SLC1A1: variants seen among roughly 807,000 people sequenced by gnomAD.
The protein encoded by SLC1A1 is solute carrier family 1 member 1, also known as excitatory amino acid transporter 3.
A neutral mutation model predicts 53.3 loss-of-function variants in SLC1A1; 43 were observed. That is an observed-to-expected ratio of 0.81 (90% CI 0.63 to 1.04). The LOEUF (loss-of-function observed/expected upper bound fraction) is 1.04. Ranked by LOEUF, SLC1A1 falls within the 50% of genes least tolerant of loss-of-function variation. The probability of loss-of-function intolerance (pLI) is 0.00; values close to 1 mark genes in which losing one functional copy is unlikely to be tolerated. For synonymous variants in SLC1A1, 307 were observed against 243.2 expected, an observed-to-expected ratio of 1.26 and a Z score of -2.44; for missense variants, 748 against 664.9, an observed-to-expected ratio of 1.12 and a Z score of -1.37.
intron 10 of SLC1A1, among the ~76,000 whole-genome samples, chr9:4,581,028 C>A (rs773552860): frequency 1.3e-5 from 2 of 152,160 alleles, no homozygotes; most frequent in African/African-American, 4.8e-5. Flanking sequence ...AGATGCCTTA[C>A]GTGTATTAAC....
intron 1 of SLC1A1, among the ~76,000 whole-genome samples, chr9:4,503,583 C>T (rs1489561864): frequency 2.0e-5 from 3 of 151,768 alleles, no homozygotes; most frequent in Non-Finnish European, 4.4e-5. Flanking sequence ...GGTAGGATTT[C>T]TGGGCTTGAA....
At chr9:4,537,231 T>C (rs1433496577) in intron 1 of SLC1A1, among the ~76,000 whole-genome samples, 1 of 152,126 alleles carries the variant, frequency 6.6e-6, no homozygotes, top group Non-Finnish European at 1.5e-5. Context: ...GGGAAATGCT[T>C]ATGACTTAAC....
At chr9:4,497,411 G>A (rs1384386354) in intron 1 of SLC1A1, among the ~76,000 whole-genome samples, 2 of 152,088 alleles carry the variant, frequency 1.3e-5, no homozygotes, top group African/African-American at 2.4e-5. Flanking sequence ...ACCAATTCAG[G>A]AACCCTAAGG....
intron 6 of SLC1A1, among the ~76,000 whole-genome samples, chr9:4,570,253 G>T (rs764691354): frequency 6.6e-6 from 1 of 152,116 alleles, no homozygotes; most frequent in South Asian, 2.1e-4. Flanking sequence ...AGTCAGTCTT[G>T]TCTCTCCAGC....
At chr9:4,505,157 C>A (rs568544123) in intron 1 of SLC1A1, among the ~76,000 whole-genome samples, 1 of 149,260 alleles carries the variant, frequency 6.7e-6, no homozygotes, top group African/African-American at 2.5e-5. Flanking sequence ...AGCGATTCTC[C>A]TGCCTCAGCC....
At position 4,490,535 on chromosome 9, in the gene SLC1A1, T is replaced by TGGTGACGGCGGC. The variant is rs1198393902; in HGVS notation, c.-143_-132dup. The TGGTGACGGCGGC allele has an allele frequency of 8.5e-6, 4 of 471,676 alleles. No homozygotes were observed. Among genetic ancestry groups the TGGTGACGGCGGC allele is most frequent in the African/African-American group, 4.1e-5 (2 of 48,492 alleles). 29.2% of individuals were successfully genotyped at this position (471,676 alleles called of 1,614,324 possible). A position where few individuals can be genotyped will look rare whatever the true frequency, so the allele number is the denominator to read the frequency against. Reference sequence around the variant, plus strand: ...TCCCGGGTGGCGGCGGCAACGGCGGTGGTGACGGCGGCGACTGCAGCGGCC... The same window carrying TGGTGACGGCGGC: ...TCCCGGGTGGCGGCGGCAACGGCGGTGGTGACGGCGGCGGTGACGGCGGCGACTGCAGCGGCC... On this transcript the variant is annotated 5_prime_UTR_variant, in exon 1 of 12. Transcript: ENST00000262352.
chr9:4,517,363 T>C (rs901977043), intron 1 of SLC1A1, among the ~76,000 whole-genome samples: 2 of 152,196 alleles, frequency 1.3e-5, no homozygotes, highest in African/African-American at 4.8e-5. Context: ...TTGTCTTCTG[T>C]CTTGTCCTGC....
At chr9:4,541,311 G>C (rs1430230044) in intron 1 of SLC1A1, among the ~76,000 whole-genome samples, 1 of 152,200 alleles carries the variant, frequency 6.6e-6, no homozygotes, top group African/African-American at 2.4e-5. Context: ...GAAGTTAAAA[G>C]TTAAGTACTT....
chr9:4,517,556 G>A (rs532392462), intron 1 of SLC1A1, among the ~76,000 whole-genome samples: 31 of 152,216 alleles, frequency 2.0e-4, no homozygotes, highest in Non-Finnish European at 3.4e-4. Context: ...ATTTGCTTTC[G>A]GCTGAACACT....
chr9:4,499,050 C>T (rs1481091660), intron 1 of SLC1A1, among the ~76,000 whole-genome samples: 2 of 135,050 alleles, frequency 1.5e-5, no homozygotes, highest in African/African-American at 2.8e-5. Flanking sequence ...ATATATATAT[C>T]TTTTTTTTTT....
At chr9:4,535,294 G>A (rs1008135471) in intron 1 of SLC1A1, among the ~76,000 whole-genome samples, 4 of 152,074 alleles carry the variant, frequency 2.6e-5, no homozygotes, top group Non-Finnish European at 4.4e-5. Flanking sequence ...ACATGATTGT[G>A]TATCTAGAAA....
At chr9:4,560,348 C>T (rs9886720) in intron 2 of SLC1A1, among the ~76,000 whole-genome samples, 39,202 of 152,004 alleles carry the variant, frequency 0.26, 5,446 homozygotes, top group East Asian at 0.46. Flanking sequence ...TGACAGATTA[C>T]TGAGCCATTA....
intron 1 of SLC1A1, among the ~76,000 whole-genome samples, chr9:4,528,564 G>C (rs10974597): frequency 1.3e-5 from 2 of 151,810 alleles, no homozygotes; most frequent in African/African-American, 2.4e-5. Context: ...AGACAGAGCA[G>C]GACTCCGTCT....
rs926409203 is a variant in SLC1A1, at chr9:4,549,525, G to A, written c.232+4818G>A. On this transcript the variant is annotated intron_variant, in intron 2 of 11. Transcript: ENST00000262352. The surrounding 1 kb of genome is among the most constrained non-coding windows in gnomAD (Gnocchi z 4.1). ...AACAGGGATGCCCCTCTGCTTAGCT[G>A]CTTGCCTCCAGGAGGCTAGAGTTCA... is the stretch of plus-strand genomic sequence containing the variant. Among the ~76,000 whole-genome samples, 2 of 152,184 alleles carry A rather than the reference G, an allele frequency of 1.3e-5. No homozygotes were observed. Among genetic ancestry groups the A allele is most frequent in the African/African-American group, 4.8e-5 (2 of 41,458 alleles).
intron 1 of SLC1A1, among the ~76,000 whole-genome samples, chr9:4,504,653 CTTG>C (rs771949699): frequency 3.9e-5 from 6 of 152,140 alleles, no homozygotes; most frequent in Admixed American, 6.6e-5. Context: ...AGATAAAGAT[CTTG>C]TTGTCATAAA....
At chr9:4,519,774 A>C (rs1395824675) in intron 1 of SLC1A1, among the ~76,000 whole-genome samples, 4 of 151,994 alleles carry the variant, frequency 2.6e-5, no homozygotes, top group African/African-American at 9.7e-5. Context: ...GACATACTCA[A>C]CTCCAGATAG....
chr9:4,512,805 C>G (rs966351297), intron 1 of SLC1A1, among the ~76,000 whole-genome samples: 1 of 151,842 alleles, frequency 6.6e-6, no homozygotes, highest in Non-Finnish European at 1.5e-5. Context: ...CACTCTGTCT[C>G]CCAGGTTGGA....
chr9:4,538,759 T>C (rs1816772570), intron 1 of SLC1A1, among the ~76,000 whole-genome samples: 1 of 152,222 alleles, frequency 6.6e-6, no homozygotes, highest in Admixed American at 6.5e-5. Flanking sequence ...TTGGTGGAGC[T>C]ACTCAGCTCT....
At position 4,510,684 on chromosome 9, in the gene SLC1A1, C is replaced by T. The variant is rs147591334; in HGVS notation, c.91+19914C>T. On this transcript the variant is annotated intron_variant, in intron 1 of 11. Transcript: ENST00000262352. ...AAGGTTTCTTTTTCCCAGTTCCACA[C>T]CCAGCAGGAGAGATAAAGTTTCTGA... Among the ~76,000 whole-genome samples the T allele has an allele frequency of 3.6e-3, 552 of 152,324 alleles. 5 individuals are homozygous for T. Among genetic ancestry groups the T allele is most frequent in the African/African-American group, 0.013 (524 of 41,572 alleles).
Sources: allele counts gnomAD v4.1 joint callset (sites outside exome capture counted in the v4.1 genomes callset), GRCh38; gene constraint gnomAD v4.1.1; non-coding constraint Gnocchi (gnomAD v3.1); transcripts MANE v1.5; gene names NCBI Gene and HGNC (gene_info 2026-07-23, HGNC 2026-07-21).